The following RNASEH1 variants were observed in gnomAD, a reference collection of about 807,000 sequenced individuals.
RNASEH1 encodes the protein ribonuclease H1, also known as ribonuclease H type II.
In RNASEH1, 27 loss-of-function variants were observed where a neutral mutation model predicts 34.6. That is an observed-to-expected ratio of 0.78 (90% CI 0.58 to 1.08). The LOEUF is 1.08. Ranked by LOEUF, RNASEH1 falls within the 50% of genes least tolerant of loss-of-function variation. RNASEH1 has a pLI of 0.00. For synonymous variants in RNASEH1, 162 were observed against 138.4 expected, an observed-to-expected ratio of 1.17 and a Z score of -1.20; for missense variants, 349 against 373.6, an observed-to-expected ratio of 0.93 and a Z score of 0.54.
downstream of RNASEH1, among the ~76,000 whole-genome samples, chr2:3,539,991 G>A (rs1340898395): frequency 6.6e-6 from 1 of 151,770 alleles, no homozygotes; most frequent in Admixed American, 6.6e-5. Flanking sequence ...TGTCCTACAA[G>A]ATGGCAGAGT....
chr2:3,542,134 A>T lies in RNASEH1; in HGVS notation c.*3651T>A, dbSNP rs1668357827. Among the ~76,000 whole-genome samples, 1 of 152,200 alleles carries T rather than the reference A, an allele frequency of 6.6e-6. No homozygotes were observed. Among genetic ancestry groups the T allele is most frequent in the Admixed American group, 6.6e-5 (1 of 15,252 alleles). ...AGATTTCAACATACAGATAACAGGG[A>T]TCCCCACAGAAAAAAGCCAAAGCAA... On this transcript the variant is annotated 3_prime_UTR_variant, in exon 8 of 8. Coordinates refer to ENST00000315212, the MANE Select transcript of RNASEH1 (RefSeq NM_002936.6).
chr2:3,552,406 T>C lies in RNASEH1; in HGVS notation c.245-98A>G, dbSNP rs140830870. 2,369 of 1,255,136 alleles carry C rather than the reference T, an allele frequency of 1.9e-3. 6 individuals are homozygous for C. The highest frequency in any genetic ancestry group is 2.6e-3 in the Middle Eastern group (13 of 4,938). 77.7% of individuals were successfully genotyped at this position (1,255,136 alleles called of 1,614,324 possible). A position where few individuals can be genotyped will look rare whatever the true frequency, so the allele number is the denominator to read the frequency against. On this transcript the variant is annotated intron_variant, in intron 2 of 7. Coordinates refer to ENST00000315212, the MANE Select transcript of RNASEH1 (RefSeq NM_002936.6). ...CAGTAAATTATTTAGTATCATTAAA[T>C]CAGACTTAAAAACACCCTCTCTATG...
At chr2:3,532,130 G>A in the RNASEH1 span, 1 of 633,716 alleles carries the variant, frequency 1.6e-6, no homozygotes, top group Non-Finnish European at 2.9e-6. Flanking sequence ...TTTGGGGAAT[G>A]GAGGGAAAGT....
intron 2 of RNASEH1, 132 bp downstream of exon 2, chr2:3,556,656 TA>T: frequency 1.6e-6 from 1 of 631,184 alleles, no homozygotes. Flanking sequence ...GTCTGTTCCC[TA>T]ATTTGTAAAA....
At chr2:3,532,223 T>C in the RNASEH1 span, 5 of 701,838 alleles carry the variant, frequency 7.1e-6, no homozygotes, top group African/African-American at 5.2e-5. Flanking sequence ...TTCAAGGCAT[T>C]CACTCCGTCT....
At chr2:3,557,870 CAG>C in intron 1 of RNASEH1, 1 of 1,475,836 alleles carries the variant, frequency 6.8e-7, no homozygotes, top group Non-Finnish European at 9.1e-7. Context: ...GGATTAAACA[CAG>C]GGTTTATTAG....
At chr2:3,558,002 C>G in intron 1 of RNASEH1, 131 bp downstream of exon 1, 2 of 1,486,886 alleles carry the variant, frequency 1.3e-6, no homozygotes, top group Non-Finnish European at 1.8e-6. Context: ...AGGCGGTCCC[C>G]CGACCACCCA....
the RNASEH1 span, chr2:3,532,085 G>A: frequency 1.5e-5 from 9 of 603,634 alleles, no homozygotes; most frequent in East Asian, 2.5e-4. Flanking sequence ...TAAGGAGAGG[G>A]TTTTTATGCA....
intron 2 of RNASEH1, among the ~76,000 whole-genome samples, 165 bp from the exon 3 acceptor site, chr2:3,552,473 G>A (rs374998695): frequency 1.5e-5 from 2 of 133,120 alleles, no homozygotes; most frequent in African/African-American, 5.7e-5. Context: ...CCCCCTCCAC[G>A]CCATCTCCAC....
chr2:3,542,666 A>C lies in RNASEH1; in HGVS notation c.*3119T>G, dbSNP rs367714166. 2.0e-5 allele frequency among the ~76,000 whole-genome samples: 3 copies of C among 152,136 alleles called. No individual in the cohort carries two copies. The highest frequency in any genetic ancestry group is 2.0e-4 in the Admixed American group (3 of 15,270). The stretch of plus-strand genomic sequence containing the variant: ...ATGCTATGGTATTAGTATTTTTTTT[A>C]AATGCTAAATGCTAAAGAGGAATAA... On this transcript the variant is annotated 3_prime_UTR_variant, in exon 8 of 8. Coordinates refer to ENST00000315212, the MANE Select transcript of RNASEH1 (RefSeq NM_002936.6).
At chr2:3,557,941 C>T (rs1296431933) in intron 1 of RNASEH1, 192 bp downstream of exon 1, 3 of 1,523,968 alleles carry the variant, frequency 2.0e-6, no homozygotes, top group African/African-American at 1.4e-5. Context: ...CGGTGCGTTC[C>T]AGTCCCAGGC....
downstream of RNASEH1, among the ~76,000 whole-genome samples, chr2:3,540,667 A>G (rs897301500): frequency 6.6e-6 from 1 of 152,198 alleles, no homozygotes; most frequent in African/African-American, 2.4e-5. Context: ...TCAGCTTCCC[A>G]AAGTGCTGGG....
rs779743308 is a variant in RNASEH1 at position 3,549,031 on chromosome 2, G to A, written c.564+27C>T. ...TTTCATACTCAATGCTCAAAAAAGAGAGGCTTAAACGTATCTGATAACTTA... is the reference window on the plus strand; with the variant it reads ...TTTCATACTCAATGCTCAAAAAAGAAAGGCTTAAACGTATCTGATAACTTA... On this transcript the variant is annotated intron_variant, in intron 5 of 7. Coordinates refer to ENST00000315212, the MANE Select transcript of RNASEH1 (RefSeq NM_002936.6). 4 of 1,584,382 alleles carry A rather than the reference G, an allele frequency of 2.5e-6. No individual in the cohort carries two copies. The South Asian group carries it at 3.4e-5, about 13-fold the overall frequency.
At position 3,548,138 on chromosome 2, in the gene RNASEH1, T is replaced by A. The variant is rs995796725; in HGVS notation, c.650-83A>T. 3.3e-6 allele frequency: 5 copies of A among 1,508,140 alleles called. No individual in the cohort carries two copies. The African/African-American group carries it at 6.8e-5, about 21-fold the overall frequency. The allele number at this position is 1,508,140 out of a possible 1,614,324, so 93.4% of individuals were successfully genotyped here. ...CCTTAGTCTTACCTCTTATAATTGATCCCACTTGTATTCTGAGTCACCATC... is the reference window on the plus strand; with the variant it reads ...CCTTAGTCTTACCTCTTATAATTGAACCCACTTGTATTCTGAGTCACCATC... On this transcript the variant is annotated intron_variant, in intron 6 of 7. Coordinates refer to ENST00000315212, the MANE Select transcript of RNASEH1 (RefSeq NM_002936.6).
chr2:3,555,506 G>A (rs889115578), intron 2 of RNASEH1, among the ~76,000 whole-genome samples: 10 of 152,208 alleles, frequency 6.6e-5, no homozygotes, highest in Non-Finnish European at 1.3e-4. Flanking sequence ...TAACTCTTCA[G>A]GGATCCATTC....
intron 1 of RNASEH1, chr2:3,557,917 T>C: frequency 6.6e-7 from 1 of 1,525,984 alleles, no homozygotes; most frequent in Non-Finnish European, 8.8e-7. Flanking sequence ...TTTCTGATAT[T>C]TCAAACAAGT....
chr2:3,552,282 A>C lies in RNASEH1; in HGVS notation c.271T>G (p.Ser91Ala), dbSNP rs752926424. ...EGHENQHGQE[S>A]EAKASKRLRE... ...AGTCGCTTGCTGGCTTTCGCCTCCG[A>C]TTCTTGTCCATGTTGATTTTCATGC... is the stretch of plus-strand genomic sequence containing the variant. The change falls in exon 3 of 8, where the codon TCG (serine) becomes GCG (alanine). Residue 91 changes from serine (S) to alanine (A), a missense_variant. By Grantham distance (99) the Ser-to-Ala change is moderately conservative. This residue lies in a region of RNASEH1 where 256 missense variants were observed against 240.7 expected (regional missense o/e 1.06). Transcript: ENST00000315212. 1 of 1,613,592 alleles carries C rather than the reference A, an allele frequency of 6.2e-7. No individual in the cohort carries two copies. Among genetic ancestry groups the C allele is most frequent in the Non-Finnish European group, 8.5e-7 (1 of 1,179,862 alleles).
Position 3,548,703 on chromosome 2 carries a change from G to A in RNASEH1, c.586C>T (p.Gln196Ter). Residue 196 changes from glutamine to a stop codon, truncating the protein, a stop_gained, in exon 6 of 8, where the codon CAA becomes TAA. Coordinates refer to ENST00000315212, the MANE Select transcript of RNASEH1 (RefSeq NM_002936.6). LOFTEE classifies it high-confidence loss of function. Reference protein sequence around the residue: ...EIHAACKAIEQAKTQNINKLV... With the variant: ...EIHAACKAIE ...TTATTGATGTTTTGAGTCTTTGCTTGTTCAATGGCTTTGCAGGCTGCCTTG... is the reference window on the plus strand; with the variant it reads ...TTATTGATGTTTTGAGTCTTTGCTTATTCAATGGCTTTGCAGGCTGCCTTG... 6.2e-7 allele frequency: 1 copy of A among 1,612,960 alleles called. No individual in the cohort carries two copies. The highest frequency in any genetic ancestry group is 8.5e-7 in the Non-Finnish European group (1 of 1,179,088).
downstream of RNASEH1, among the ~76,000 whole-genome samples, chr2:3,540,778 A>G (rs112965532): frequency 3.6e-4 from 55 of 152,170 alleles, no homozygotes; most frequent in African/African-American, 1.3e-3. Flanking sequence ...TCTATTTCCA[A>G]TTCTGGTTCA....
Sources: gnomAD v4.1 joint callset for allele counts (sites outside exome capture counted in the v4.1 genomes callset) on GRCh38, gnomAD v4.1.1 for gene constraint, gnomAD v4.1.1 regional missense constraint, MANE v1.5 for transcripts, NCBI Gene and HGNC (gene_info 2026-07-23, HGNC 2026-07-21) for gene names.